The following QTGAL variants were observed in gnomAD, a reference collection of about 807,000 sequenced individuals.
The protein encoded by QTGAL is queuosine-tRNA galactosyltransferase.
chr17:83,029,004 G>A, the QTGAL span, among the ~76,000 whole-genome samples: 4 of 152,316 alleles, frequency 2.6e-5, no homozygotes, highest in East Asian at 1.9e-4. Context: ...TTTCACGTAC[G>A]CATGAAATTC....
chr17:82,949,568 G>C, the QTGAL span: 3 of 152,152 alleles, frequency 2.0e-5, no homozygotes, highest in Non-Finnish European at 2.9e-5. Context: ...CAAAAGGATG[G>C]AGCAGAACAC....
the QTGAL span, chr17:82,948,517 A>G: frequency 6.6e-6 from 1 of 152,404 alleles, no homozygotes; most frequent in East Asian, 1.9e-4. Flanking sequence ...GACGTGGAGA[A>G]AGTCCACACC....
At chr17:83,005,865 C>T in the QTGAL span, 828 of 1,375,180 alleles carry the variant, frequency 6.0e-4, 1 homozygote, top group South Asian at 1.6e-3. This position sits in a 1 kb window ranked among gnomAD's most constrained non-coding sequence, Gnocchi z 5.6. Context: ...CCGCCCTGCC[C>T]GGCCCCCTCC....
chr17:82,995,605 G>C, the QTGAL span, among the ~76,000 whole-genome samples: 25 of 152,058 alleles, frequency 1.6e-4, no homozygotes, highest in African/African-American at 5.8e-4. Context: ...GATGGGTCTC[G>C]ATCTCCTGAC....
At chr17:82,970,793 A>C in the QTGAL span, among the ~76,000 whole-genome samples, 1 of 152,170 alleles carries the variant, frequency 6.6e-6, no homozygotes. Flanking sequence ...CATTCTGGAG[A>C]CTTGGTATAG....
chr17:83,032,182 C>G, the QTGAL span, among the ~76,000 whole-genome samples: 3 of 109,626 alleles, frequency 2.7e-5, no homozygotes, highest in Non-Finnish European at 5.4e-5. Context: ...AACTCGGGAG[C>G]TGAACAACGG....
the QTGAL span, among the ~76,000 whole-genome samples, chr17:83,009,721 C>T: frequency 1.5e-4 from 23 of 151,758 alleles, no homozygotes; most frequent in African/African-American, 5.1e-4. Context: ...GTGCTGGGTG[C>T]GAGGGAGGAA....
chr17:83,013,239 A>C, the QTGAL span, among the ~76,000 whole-genome samples: 1 of 151,504 alleles, frequency 6.6e-6, no homozygotes, highest in African/African-American at 2.4e-5. Flanking sequence ...ACACCCCCAA[A>C]GGAGGCAACC....
At chr17:82,959,729 G>A in the QTGAL span, among the ~76,000 whole-genome samples, 4 of 151,964 alleles carry the variant, frequency 2.6e-5, no homozygotes, top group Non-Finnish European at 5.9e-5. Context: ...GGTGGCACGC[G>A]AGGTTTGGGG....
chr17:83,035,658 G>GA, the QTGAL span, among the ~76,000 whole-genome samples: 233 of 150,004 alleles, frequency 1.6e-3, 2 homozygotes, highest in Middle Eastern at 0.01. Flanking sequence ...CTCACTGAAG[G>GA]AAAAAAAAAT....
At chr17:82,942,960 G>GAC in the QTGAL span, 1 of 190,048 alleles carries the variant, frequency 5.3e-6, no homozygotes, top group African/African-American at 2.4e-5. Context: ...GCATGGTCTG[G>GAC]AGTGCTGGGC....
At chr17:82,987,792 T>A in the QTGAL span, among the ~76,000 whole-genome samples, 2 of 152,246 alleles carry the variant, frequency 1.3e-5, no homozygotes, top group Non-Finnish European at 2.9e-5. Flanking sequence ...AAGTAGTTTT[T>A]TCTAATTCTG....
the QTGAL span, among the ~76,000 whole-genome samples, chr17:82,988,099 T>C: frequency 1.3e-5 from 2 of 152,208 alleles, no homozygotes; most frequent in Admixed American, 6.5e-5. Flanking sequence ...TAGGAATGCT[T>C]GTGATTTTTG....
chr17:83,022,874 G>T, the QTGAL span, among the ~76,000 whole-genome samples: 1 of 8,492 alleles, frequency 1.2e-4, no homozygotes, highest in Non-Finnish European at 1.9e-4. Flanking sequence ...GTGAACTCAC[G>T]TTAGCTTAGC....
At chr17:82,965,049 G>T in the QTGAL span, among the ~76,000 whole-genome samples, 1 of 148,512 alleles carries the variant, frequency 6.7e-6, no homozygotes, top group Non-Finnish European at 1.5e-5. Context: ...GGAGGACGGG[G>T]ACATGGACGC....
At chr17:82,995,851 A>G in the QTGAL span, among the ~76,000 whole-genome samples, 1 of 148,666 alleles carries the variant, frequency 6.7e-6, no homozygotes, top group African/African-American at 2.6e-5. Flanking sequence ...AAGAAATTAA[A>G]GAAGAGTAAT....
At chr17:82,990,113 C>T in the QTGAL span, among the ~76,000 whole-genome samples, 5 of 152,210 alleles carry the variant, frequency 3.3e-5, no homozygotes, top group African/African-American at 1.2e-4. Flanking sequence ...TACATTTTCC[C>T]GTCTTCCATG....
the QTGAL span, among the ~76,000 whole-genome samples, chr17:82,950,325 G>T: frequency 6.6e-6 from 1 of 152,158 alleles, no homozygotes; most frequent in African/African-American, 2.4e-5. Flanking sequence ...GACACCACAG[G>T]TCACCATAAC....
the QTGAL span, among the ~76,000 whole-genome samples, chr17:82,964,157 G>A: frequency 6.6e-6 from 1 of 150,820 alleles, no homozygotes; most frequent in South Asian, 2.1e-4. Flanking sequence ...CAGCTACTCA[G>A]GAGGCTGAGG....
Sources: gnomAD v4.1 joint callset for allele counts (sites outside exome capture counted in the v4.1 genomes callset) on GRCh38, gnomAD v4.1.1 for gene constraint, Gnocchi (gnomAD v3.1) non-coding constraint, MANE v1.5 for transcripts, NCBI Gene and HGNC (gene_info 2026-07-23, HGNC 2026-07-21) for gene names.